Variants in RRP12 observed in about 807,000 individuals in gnomAD.
RRP12 encodes the protein RRP12-like protein.
A neutral mutation model predicts 157.3 loss-of-function variants in RRP12; 78 were observed. That is an observed-to-expected ratio of 0.50 (90% CI 0.41 to 0.60). The LOEUF (loss-of-function observed/expected upper bound fraction) is 0.60. Ranked by LOEUF, RRP12 falls within the 20% of genes least tolerant of loss-of-function variation. The pLI, the probability that RRP12 is intolerant of heterozygous loss-of-function variation, is 0.00. For synonymous variants in RRP12, 726 were observed against 670.9 expected (o/e 1.08, Z -1.27); for missense variants, 1,521 against 1,679.9 (o/e 0.91, Z 1.65).
intron 4 of RRP12, chr10:97,393,451 A>C (rs1589439877): frequency 1.5e-6 from 1 of 668,924 alleles, no homozygotes; most frequent in Non-Finnish European, 2.8e-6. Flanking sequence ...TCTTGGCATA[A>C]AGGTAAATGA....
At position 97,385,336 on chromosome 10, in the gene RRP12, C is replaced by A. The variant is rs981295025; in HGVS notation, c.1117-79G>T. 8 of 1,104,236 alleles carry A rather than the reference C, an allele frequency of 7.2e-6. No individual in the cohort carries two copies. In the African/African-American group the frequency reaches 1.2e-4, roughly 17 times the overall value. 68.4% of individuals were successfully genotyped at this position (1,104,236 alleles called of 1,614,324 possible). On this transcript the variant is annotated intron_variant, in intron 9 of 33. Coordinates refer to ENST00000370992, the MANE Select transcript of RRP12 (RefSeq NM_015179.4). Reference sequence around the variant, plus strand: ...TGATGATGACCCCTTCCCATCCTGGCACCAGCAATGTCCTGGGGACAGTGC... The same window carrying A: ...TGATGATGACCCCTTCCCATCCTGGAACCAGCAATGTCCTGGGGACAGTGC...
At chr10:97,376,460 G>A (rs1391566312) in intron 15 of RRP12, among the ~76,000 whole-genome samples, 2 of 151,868 alleles carry the variant, frequency 1.3e-5, no homozygotes, top group Admixed American at 6.6e-5. Context: ...TGATCTGCCC[G>A]CTTCAGCCTC....
At chr10:97,393,476 G>A (rs539550357) in intron 4 of RRP12, 65 of 690,512 alleles carry the variant, frequency 9.4e-5, no homozygotes, top group Non-Finnish European at 1.5e-4. Flanking sequence ...ATTACCAGGG[G>A]TTCAGGACAG....
chr10:97,396,376 C>T (rs1286082969), intron 2 of RRP12, 75 bp from the exon 3 acceptor site: 4 of 1,136,608 alleles, frequency 3.5e-6, no homozygotes. Context: ...TTCCTTGCTC[C>T]TTCACAGATT....
At chr10:97,400,980 A>G in intron 1 of RRP12, 113 bp downstream of exon 1, 13 of 1,304,262 alleles carry the variant, frequency 1.0e-5, no homozygotes, top group Non-Finnish European at 1.3e-5. Context: ...ACATCCTAAG[A>G]GACGAAAGGT....
chr10:97,373,127 G>C lies in RRP12; in HGVS notation c.2100C>G (p.Pro700=). The change falls in exon 18 of 34, where the codon CCC becomes CCG. Residue 700 remains proline, a synonymous_variant. Transcript: ENST00000370992. ...LPILFNLYGQ[P]VAAGDTPAPR... ...GGGCTGGAGTGTCCCCGGCTGCCACGGGCTGCCCATACAGGTTGAAGAGGA... is the reference window on the plus strand; with the variant it reads ...GGGCTGGAGTGTCCCCGGCTGCCACCGGCTGCCCATACAGGTTGAAGAGGA... 6.2e-7 allele frequency: 1 copy of C among 1,614,068 alleles called. No homozygotes were observed. Among genetic ancestry groups the C allele is most frequent in the Non-Finnish European group, 8.5e-7 (1 of 1,179,932 alleles).
chr10:97,370,325 G>A, intron 23 of RRP12, 51 bp from the exon 24 acceptor site: 1 of 1,445,088 alleles, frequency 6.9e-7, no homozygotes, highest in South Asian at 1.2e-5. Flanking sequence ...ACCAGGTAGG[G>A]GGGCTGAGGG....
At chr10:97,367,285 G>A (rs1424648333) in intron 25 of RRP12, 153 bp from the exon 26 acceptor site, 8 of 649,680 alleles carry the variant, frequency 1.2e-5, no homozygotes, top group Non-Finnish European at 1.3e-5. Flanking sequence ...GCCCAGTCAT[G>A]CTTCCCTCGG....
chr10:97,375,699 T>A (rs2133057671), intron 15 of RRP12, among the ~76,000 whole-genome samples: 1 of 152,334 alleles, frequency 6.6e-6, no homozygotes. Flanking sequence ...GGGCATATAT[T>A]TCTATTGAAA....
Position 97,370,770 on chromosome 10 carries a change from G to C in RRP12, c.2529C>G (p.Ile843Met). 2.5e-6 allele frequency: 4 copies of C among 1,614,102 alleles called. No homozygotes were observed. The highest frequency in any genetic ancestry group is 3.4e-6 in the Non-Finnish European group (4 of 1,180,000). Residue 843 changes from isoleucine (I) to methionine (M), a missense_variant, in exon 22 of 34, where the codon ATC (isoleucine) becomes ATG (methionine). By Grantham distance (10) the Ile-to-Met change is conservative (BLOSUM62 1). Coordinates refer to ENST00000370992, the MANE Select transcript of RRP12 (RefSeq NM_015179.4). ...KRPRLKCLLH[I>M]VRKLSAEHKE... ...TGTGTTCAGCTGAGAGCTTCCTCAC[G>C]ATGTGTAGGAGGCACTTCAAACGGG...
At position 97,388,191 on chromosome 10, in the gene RRP12, G is replaced by A; in HGVS notation, c.1017+61C>T. 4 of 1,607,490 alleles carry A rather than the reference G, an allele frequency of 2.5e-6. No individual in the cohort carries two copies. In the South Asian group the frequency reaches 3.3e-5, roughly 13 times the overall value. On this transcript the variant is annotated intron_variant, in intron 8 of 33. Coordinates refer to ENST00000370992, the MANE Select transcript of RRP12 (RefSeq NM_015179.4). ...AGGCCCTGCATTTTGACTGACCAGT[G>A]AGTTCCCCAAATGCCACCACTGCAG...
chr10:97,365,519 C>T (rs747977562), intron 29 of RRP12, among the ~76,000 whole-genome samples: 1 of 152,038 alleles, frequency 6.6e-6, no homozygotes, highest in Non-Finnish European at 1.5e-5. Flanking sequence ...CTGATCTGCG[C>T]GCCTTGGCCT....
At position 97,401,191 on chromosome 10, in the gene RRP12, T is replaced by G; in HGVS notation, c.41A>C (p.Lys14Thr). The change falls in exon 1 of 34, where the codon AAG (lysine) becomes ACG (threonine). Residue 14 changes from lysine (K) to threonine (T), a missense_variant. Transcript: ENST00000370992. ...GTGGCCTTTCTTCCAGCGCTTCAAC[T>G]TAGCTGAGACACCAGAAGGCAACTT... ...SGKLPSGVSA[K>T]LKRWKKGHSS... 1 of 1,614,152 alleles carries G rather than the reference T, an allele frequency of 6.2e-7. No homozygotes were observed.
intron 4 of RRP12, chr10:97,393,392 T>C (rs572060855): frequency 4.5e-5 from 26 of 573,744 alleles, no homozygotes; most frequent in Admixed American, 3.1e-4. Context: ...AGCTCCTGAA[T>C]GTCTGCCTGG....
chr10:97,393,837 T>G (rs1220007417), intron 3 of RRP12, 77 bp from the exon 4 acceptor site: 2 of 1,204,922 alleles, frequency 1.7e-6, no homozygotes, highest in African/African-American at 3.0e-5. Flanking sequence ...GGGGAACATG[T>G]GCCCAGCAGA....
At chr10:97,371,298 A>G in intron 20 of RRP12, 1 of 598,644 alleles carries the variant, frequency 1.7e-6, no homozygotes, top group Non-Finnish European at 3.0e-6. Flanking sequence ...AATCCACTCC[A>G]CTCACCCAGC....
intron 25 of RRP12, among the ~76,000 whole-genome samples, chr10:97,367,576 G>C (rs2133041274): frequency 6.6e-6 from 1 of 152,308 alleles, no homozygotes; most frequent in African/African-American, 2.4e-5. Flanking sequence ...AGCACCCCAA[G>C]ATTTCTCTTG....
chr10:97,367,086 CG>C lies in RRP12; in HGVS notation c.3001del (p.Arg1001AlafsTer2). ...GGTGAACAGGTTCCGAAGCTTCATG[CG>C]GAAGTGCCGCCGCATGTCATCTGAA... is the stretch of plus-strand genomic sequence containing the variant. ...KLSDDMRRHF[R>X]MKLRNLFTKF... On this transcript the variant is annotated frameshift_variant, in exon 26 of 34. Transcript: ENST00000370992. LOFTEE classifies it high-confidence loss of function. 6.2e-7 allele frequency: 1 copy of C among 1,614,168 alleles called. No individual in the cohort carries two copies. The highest frequency in any genetic ancestry group is 8.5e-7 in the Non-Finnish European group (1 of 1,180,024).
intron 2 of RRP12, among the ~76,000 whole-genome samples, chr10:97,397,992 C>CATATATATACATATATATATATATAT (rs1564772333): frequency 1.6e-4 from 7 of 42,786 alleles, no homozygotes; most frequent in Admixed American, 5.7e-4. Flanking sequence ...AAAAAAAATA[C>CATATATATACATATATATATATATAT]GTATATATAT....
Sources: allele counts gnomAD v4.1 joint callset (sites outside exome capture counted in the v4.1 genomes callset), GRCh38; gene constraint gnomAD v4.1.1; transcripts MANE v1.5; gene names NCBI Gene and HGNC (gene_info 2026-07-23, HGNC 2026-07-21).